The following DOCK4 variants were observed in gnomAD, a reference collection of about 807,000 sequenced individuals.
DOCK4 encodes dedicator of cytokinesis protein 4.
Under a neutral mutation model 268.1 loss-of-function variants are expected in DOCK4, and 97 were observed. The ratio of observed to expected loss-of-function variants is 0.36; its 90% CI spans 0.31 to 0.43. The LOEUF is 0.43. Ranked by LOEUF, DOCK4 falls within the 20% of genes least tolerant of loss-of-function variation. The pLI, the probability that DOCK4 is intolerant of heterozygous loss-of-function variation, is 1.00. For synonymous variants in DOCK4, 954 were observed against 887.2 expected (o/e 1.08, Z -1.34); for missense variants, 2,145 against 2,455.7 (o/e 0.87, Z 2.67).
intron 44 of DOCK4, among the ~76,000 whole-genome samples, chr7:111,742,792 G>A (rs1168353715): frequency 1.3e-5 from 2 of 152,172 alleles, no homozygotes; most frequent in Admixed American, 1.3e-4. Flanking sequence ...AGGAGTTCAA[G>A]ACCAGCCTGG....
chr7:112,170,371 G>A (rs1014509761), intron 1 of DOCK4, among the ~76,000 whole-genome samples: 1 of 152,040 alleles, frequency 6.6e-6, no homozygotes, highest in Admixed American at 6.6e-5. Context: ...TGAGGTGGAA[G>A]GATCACTTGA....
intron 27 of DOCK4, among the ~76,000 whole-genome samples, chr7:111,813,480 G>A (rs1264042257): frequency 6.6e-6 from 1 of 152,140 alleles, no homozygotes; most frequent in African/African-American, 2.4e-5. Flanking sequence ...GGTTGAATGT[G>A]GAAGTTCAAG....
At chr7:112,067,648 G>A (rs890317385) in intron 1 of DOCK4, among the ~76,000 whole-genome samples, 3 of 152,140 alleles carry the variant, frequency 2.0e-5, no homozygotes, top group Non-Finnish European at 4.4e-5. Flanking sequence ...GTAGAAAATG[G>A]GCAGAGATGA....
At chr7:112,127,887 G>A (rs1010775100) in intron 1 of DOCK4, among the ~76,000 whole-genome samples, 1 of 152,032 alleles carries the variant, frequency 6.6e-6, no homozygotes, top group Non-Finnish European at 1.5e-5. Flanking sequence ...AAATTAGTCG[G>A]GCATGGTGGT....
intron 1 of DOCK4, among the ~76,000 whole-genome samples, chr7:112,101,518 G>A (rs1237996657): frequency 6.6e-6 from 1 of 152,198 alleles, no homozygotes; most frequent in Admixed American, 6.5e-5. Context: ...TCATGACCCA[G>A]TGCCAGCTTC....
chr7:112,110,191 A>C (rs1356437737), intron 1 of DOCK4, among the ~76,000 whole-genome samples: 1 of 152,240 alleles, frequency 6.6e-6, no homozygotes, highest in Non-Finnish European at 1.5e-5. Flanking sequence ...TTATCCTAAC[A>C]GATAACTTCC....
intron 1 of DOCK4, among the ~76,000 whole-genome samples, chr7:112,180,405 C>A (rs1002926649): frequency 1.3e-5 from 2 of 152,206 alleles, no homozygotes; most frequent in African/African-American, 4.8e-5. Context: ...CAGGTCCACA[C>A]AGCACAACCT....
chr7:112,083,698 G>A (rs941073390), intron 1 of DOCK4, among the ~76,000 whole-genome samples: 1 of 152,070 alleles, frequency 6.6e-6, no homozygotes, highest in South Asian at 2.1e-4. Context: ...ATGGTTTTCC[G>A]TGGCACAGAA....
chr7:112,016,950 C>A (rs892551463), intron 1 of DOCK4, among the ~76,000 whole-genome samples: 1 of 152,072 alleles, frequency 6.6e-6, no homozygotes, highest in Non-Finnish European at 1.5e-5. Flanking sequence ...TGCTTTTGAG[C>A]GATTTCAGCC....
At chr7:111,853,591 G>A (rs1804761122) in intron 23 of DOCK4, among the ~76,000 whole-genome samples, 1 of 152,182 alleles carries the variant, frequency 6.6e-6, no homozygotes, top group Non-Finnish European at 1.5e-5. Flanking sequence ...AGATTCAGTG[G>A]GCTACGTTCT....
At chr7:111,882,964 G>T (rs968927929) in intron 16 of DOCK4, among the ~76,000 whole-genome samples, 12 of 152,046 alleles carry the variant, frequency 7.9e-5, no homozygotes, top group Non-Finnish European at 1.3e-4. Context: ...TAGAGAAACA[G>T]AATCAGAATA....
intron 8 of DOCK4, among the ~76,000 whole-genome samples, chr7:111,958,089 C>T (rs915357696): frequency 3.3e-5 from 5 of 152,160 alleles, no homozygotes; most frequent in Admixed American, 2.6e-4. Context: ...CACATCCCCA[C>T]TGCAGTGGAA....
In DOCK4 at chr7:111,935,411, G is replaced by A. The variant is rs139412397; in HGVS notation, c.1066+129C>T. On this transcript the variant is annotated intron_variant, in intron 12 of 52. Transcript: ENST00000428084. ...GAAGACATACCAGAATGTTCATTGA[G>A]CATTTTTAAAGTTAGGGAGTGAATA... The A allele has an allele frequency of 9.0e-4, 698 of 773,730 alleles. 3 individuals are homozygous for A. The African/African-American group carries it at 0.011, about 12-fold the overall frequency. The allele number at this position is 773,730 out of a possible 1,614,324, so 47.9% of individuals were successfully genotyped here.
At position 111,727,450 on chromosome 7, in the gene DOCK4, T is replaced by C. The variant is rs1024810959; in HGVS notation, c.*824A>G. 3 of 152,662 alleles carry C rather than the reference T, an allele frequency of 2.0e-5. No homozygotes were observed. The highest frequency in any genetic ancestry group is 6.5e-5 in the Admixed American group (1 of 15,292). The allele number at this position is 152,662 out of a possible 1,614,324, so 9.5% of individuals were successfully genotyped here. ...TGGGGCACAGTCATTTGTGCCTCAT[T>C]AATACTTCAGCATTTGCTCTTGTTC... is the stretch of plus-strand genomic sequence containing the variant. On this transcript the variant is annotated 3_prime_UTR_variant, in exon 53 of 53. Coordinates refer to ENST00000428084, the MANE Select transcript of DOCK4 (RefSeq NM_001363540.2).
intron 12 of DOCK4, among the ~76,000 whole-genome samples, chr7:111,934,215 T>C (rs1012843950): frequency 1.3e-5 from 2 of 152,348 alleles, no homozygotes; most frequent in African/African-American, 4.8e-5. Context: ...ACAAACAATA[T>C]TCACCAAGTT....
At chr7:111,801,661 A>C (rs1216874794) in intron 30 of DOCK4, 1 of 151,792 alleles carries the variant, frequency 6.6e-6, no homozygotes, top group Non-Finnish European at 1.5e-5. Flanking sequence ...ACCTCAAAAG[A>C]AACTTTTTAT....
intron 30 of DOCK4, among the ~76,000 whole-genome samples, chr7:111,800,847 A>C (rs1408785402): frequency 6.6e-6 from 1 of 152,146 alleles, no homozygotes; most frequent in Non-Finnish European, 1.5e-5. Context: ...TCGTCATCCA[A>C]CACCCCCTAA....
At chr7:112,054,573 A>G (rs573734154) in intron 1 of DOCK4, among the ~76,000 whole-genome samples, 2 of 152,162 alleles carry the variant, frequency 1.3e-5, no homozygotes, top group Non-Finnish European at 2.9e-5. Flanking sequence ...ACTGACAAAA[A>G]AAAACAAAAC....
chr7:112,116,323 G>T (rs995909798), intron 1 of DOCK4, among the ~76,000 whole-genome samples: 15 of 152,158 alleles, frequency 9.9e-5, no homozygotes, highest in African/African-American at 3.6e-4. Flanking sequence ...GTTCATTCAA[G>T]TTGTAGTATG....
Sources: allele counts gnomAD v4.1 joint callset (sites outside exome capture counted in the v4.1 genomes callset), GRCh38; gene constraint gnomAD v4.1.1; transcripts MANE v1.5; gene names NCBI Gene and HGNC (gene_info 2026-07-23, HGNC 2026-07-21).